Variants in ADH6 observed in about 807,000 individuals in gnomAD.
ADH6 encodes the protein alcohol dehydrogenase 6 (class V).
In ADH6, 34 loss-of-function variants were observed where a neutral mutation model predicts 36.5. That is an observed-to-expected ratio of 0.93 (90% CI 0.71 to 1.24). ADH6 has a LOEUF of 1.24. Among genes scored for constraint, ADH6 ranks in the 50% most tolerant of loss-of-function variants. The pLI is 0.00. For synonymous variants in ADH6, 161 were observed against 155.5 expected (o/e 1.04, Z -0.26); for missense variants, 440 against 447.0 (o/e 0.98, Z 0.14).
chr4:99,217,327 C>A (rs140966648), intron 1 of ADH6, among the ~76,000 whole-genome samples: 1 of 152,304 alleles, frequency 6.6e-6, no homozygotes, highest in East Asian at 1.9e-4. Context: ...TGAGCCACCA[C>A]GCCCGGCCAT....
chr4:99,204,014 G>T lies in ADH6; in HGVS notation c.*205C>A, dbSNP rs1408192232. The stretch of plus-strand genomic sequence containing the variant: ...TTAATCTAGCTCTGAAAAGGAGGCT[G>T]ATCCTTGGTGACACTGGGTTACGTA... On this transcript the variant is annotated 3_prime_UTR_variant, in exon 9 of 9. Coordinates refer to ENST00000394899, the MANE Select transcript of ADH6 (RefSeq NM_001102470.2). 1.8e-6 allele frequency: 1 copy of T among 550,870 alleles called. No individual in the cohort carries two copies. Among genetic ancestry groups the T allele is most frequent in the Non-Finnish European group, 3.0e-6 (1 of 328,372 alleles). 34.1% of individuals were successfully genotyped at this position (550,870 alleles called of 1,614,324 possible).
rs948422286 is a variant in ADH6 at position 99,204,074 on chromosome 4, C to T, written c.*145G>A. The T allele has an allele frequency of 2.1e-6, 2 of 946,864 alleles. No individual in the cohort carries two copies. Among genetic ancestry groups the T allele is most frequent in the Non-Finnish European group, 3.0e-6 (2 of 661,392 alleles). 58.7% of individuals were successfully genotyped at this position (946,864 alleles called of 1,614,324 possible). On this transcript the variant is annotated 3_prime_UTR_variant, in exon 9 of 9. Transcript: ENST00000394899. ...TTGATGAAATGGTTAGGTCAGAAGC[C>T]AGATATAGGTCCACTGCGGAGTGAA...
In ADH6 at chr4:99,210,457, G is replaced by A. The variant is rs1054185542; in HGVS notation, c.308C>T (p.Thr103Ile). The A allele has an allele frequency of 1.2e-6, 2 of 1,612,146 alleles. No individual in the cohort carries two copies. The highest frequency in any genetic ancestry group is 1.3e-5 in the African/African-American group (1 of 74,858). Residue 103 changes from threonine to isoleucine, a missense_variant, in exon 4 of 9, where the codon ACC becomes ATC. Physicochemically the swap from Thr to Ile is moderately conservative, Grantham distance 89. Coordinates refer to ENST00000394899, the MANE Select transcript of ADH6 (RefSeq NM_001102470.2). Reference sequence around the variant, plus strand: ...ATTGCCCTCAGAATTCAGGCAAGAGGTACATTCTCCACACTGTGGCAGAAA... The same window carrying A: ...ATTGCCCTCAGAATTCAGGCAAGAGATACATTCTCCACACTGTGGCAGAAA... ...TLFLPQCGEC[T>I]SCLNSEGNFC...
intron 5 of ADH6, among the ~76,000 whole-genome samples, chr4:99,209,368 CT>C (rs34686169): frequency 1.0e-4 from 15 of 150,194 alleles, no homozygotes; most frequent in African/African-American, 2.9e-4. Flanking sequence ...AAGGCAAAGG[CT>C]TTTTTTTTAT....
Position 99,203,950 on chromosome 4 carries a change from A to G in ADH6, c.*269T>C. 1 of 422,492 alleles carries G rather than the reference A, an allele frequency of 2.4e-6. No homozygotes were observed. 26.2% of individuals were successfully genotyped at this position (422,492 alleles called of 1,614,324 possible). On this transcript the variant is annotated 3_prime_UTR_variant, in exon 9 of 9. Transcript: ENST00000394899. ...TGGGAGCATCTTGCATTGACCTTTT[A>G]TGTCTGAAGGATGTGGAGTTGAGTG...
intron 1 of ADH6, 123 bp from the exon 2 acceptor site, chr4:99,216,385 A>T (rs1245072595): frequency 4.3e-6 from 2 of 469,380 alleles, no homozygotes; most frequent in Middle Eastern, 5.6e-4. Flanking sequence ...CTGCAGAAAA[A>T]AAAAAGAATA....
intron 7 of ADH6, among the ~76,000 whole-genome samples, chr4:99,205,432 C>T (rs1461506919): frequency 6.6e-6 from 1 of 152,058 alleles, no homozygotes; most frequent in Non-Finnish European, 1.5e-5. Context: ...AAATATAGCA[C>T]ATTTTTTTGT....
At chr4:99,206,796 T>A (rs1305084225) in intron 7 of ADH6, among the ~76,000 whole-genome samples, 1 of 152,100 alleles carries the variant, frequency 6.6e-6, no homozygotes. Context: ...TCAGATTTCT[T>A]GCTTATGAGC....
At chr4:99,211,360 C>T (rs1213111079) in intron 3 of ADH6, among the ~76,000 whole-genome samples, 1 of 152,124 alleles carries the variant, frequency 6.6e-6, no homozygotes, top group Non-Finnish European at 1.5e-5. Flanking sequence ...TTTTACTTAA[C>T]ACTGTATCAT....
rs1373719432 is a variant in ADH6, at chr4:99,204,955, T to A, written c.1073A>T (p.Glu358Val). ...TCCAGTTTTCATTAATTCAACTGCTTCATTGATTTTATCAAGATTCAGAGT... is the reference window on the plus strand; with the variant it reads ...TCCAGTTTTCATTAATTCAACTGCTACATTGATTTTATCAAGATTCAGAGT... ...THTLNLDKIN[E>V]AVELMKTGKC... The change falls in exon 8 of 9, where the codon GAA (glutamate) becomes GTA (valine). Residue 358 changes from glutamate (E) to valine (V), a missense_variant. By Grantham distance (121) the Glu-to-Val change is moderately radical. Transcript: ENST00000394899. 6.2e-7 allele frequency: 1 copy of A among 1,609,458 alleles called. No individual in the cohort carries two copies. Among genetic ancestry groups the A allele is most frequent in the Non-Finnish European group, 8.5e-7 (1 of 1,178,314 alleles).
chr4:99,218,509 T>C (rs1035696293), intron 1 of ADH6, among the ~76,000 whole-genome samples: 4 of 152,232 alleles, frequency 2.6e-5, no homozygotes, highest in Admixed American at 6.5e-5. Context: ...AAAATGATGT[T>C]GTTACCATTT....
At chr4:99,209,295 GTCTC>G (rs149042936) in intron 5 of ADH6, among the ~76,000 whole-genome samples, 16 of 148,030 alleles carry the variant, frequency 1.1e-4, no homozygotes, top group Admixed American at 2.7e-4. Flanking sequence ...ATTTCTCTCT[GTCTC>G]TCTCTCTCTC....
intron 1 of ADH6, among the ~76,000 whole-genome samples, chr4:99,217,696 C>A (rs928884564): frequency 7.2e-5 from 11 of 152,114 alleles, no homozygotes; most frequent in Admixed American, 5.2e-4. Flanking sequence ...TTCAGGTATA[C>A]CTTTAATATA....
At chr4:99,212,191 T>C (rs1296739070) in intron 3 of ADH6, among the ~76,000 whole-genome samples, 1 of 152,176 alleles carries the variant, frequency 6.6e-6, no homozygotes, top group African/African-American at 2.4e-5. Context: ...TAAATTTAAA[T>C]GATATTACAT....
intron 1 of ADH6, among the ~76,000 whole-genome samples, chr4:99,217,461 CAT>C (rs1731489949): frequency 6.6e-6 from 1 of 152,192 alleles, no homozygotes; most frequent in Non-Finnish European, 1.5e-5. Context: ...TGCGTAAGAA[CAT>C]GTGATATTTG....
Position 99,208,834 on chromosome 4 carries a change from A to G in ADH6, c.662T>C (p.Ile221Thr), listed in dbSNP as rs760380675. The change falls in exon 6 of 9, where the codon ATT (isoleucine) becomes ACT (threonine). Residue 221 changes from isoleucine (I) to threonine (T), a missense_variant. Physicochemically the swap from Ile to Thr is moderately conservative, Grantham distance 89. Coordinates refer to ENST00000394899, the MANE Select transcript of ADH6 (RefSeq NM_001102470.2). ...GCKAAGAARI[I>T]GVDVNKEKFK... ...TTTCTCCTTGTTGACATCCACTCCAATGATCCTGGCTGCTCCTGCTGCTTT... is the reference window on the plus strand; with the variant it reads ...TTTCTCCTTGTTGACATCCACTCCAGTGATCCTGGCTGCTCCTGCTGCTTT... The G allele has an allele frequency of 1.1e-5, 17 of 1,613,634 alleles. No homozygotes were observed. The highest frequency in any genetic ancestry group is 3.3e-5 in the Admixed American group (2 of 59,946).
intron 5 of ADH6, among the ~76,000 whole-genome samples, chr4:99,209,511 G>A (rs1258545206): frequency 2.6e-5 from 4 of 152,044 alleles, no homozygotes; most frequent in African/African-American, 9.7e-5. Flanking sequence ...AAGGGAGCCG[G>A]GAAGGTTTGA....
At chr4:99,212,063 G>A (rs924345774) in intron 3 of ADH6, among the ~76,000 whole-genome samples, 9 of 152,082 alleles carry the variant, frequency 5.9e-5, no homozygotes, top group African/African-American at 2.2e-4. Flanking sequence ...ATAAACTTGT[G>A]TTGTTTTAAA....
At chr4:99,207,641 T>C (rs954568740) in intron 6 of ADH6, 60 bp from the exon 7 acceptor site, 22 of 1,535,108 alleles carry the variant, frequency 1.4e-5, no homozygotes, top group Non-Finnish European at 2.0e-5. Flanking sequence ...GGATTGAGCC[T>C]ACATCTTAAT....
Sources: gnomAD v4.1 joint callset for allele counts (sites outside exome capture counted in the v4.1 genomes callset) on GRCh38, gnomAD v4.1.1 for gene constraint, MANE v1.5 for transcripts, NCBI Gene and HGNC (gene_info 2026-07-23, HGNC 2026-07-21) for gene names.